The following RGS5 variants were observed in gnomAD, a reference collection of about 807,000 sequenced individuals.
The protein encoded by RGS5 is regulator of G protein signaling 5, also known as regulator of G-protein signalling 5.
RGS5 carries 20 observed loss-of-function variants against 18.9 expected under a neutral mutation model. That is an observed-to-expected ratio of 1.06 (90% CI 0.74 to 1.54). RGS5 has a LOEUF of 1.54. Ranked by LOEUF, RGS5 falls within the 40% of genes most tolerant of loss-of-function variation. The pLI is 0.00. For missense variants in RGS5, 201 were observed against 211.8 expected (o/e 0.95, Z 0.32); for synonymous variants, 57 against 76.2 (o/e 0.75, Z 1.31).
rs1480632330 is a variant in RGS5, at chr1:163,143,527, C to A, written c.*3815G>T. The stretch of plus-strand genomic sequence containing the variant: ...TTGCAAGTCAGAAAATACCTTCCTG[C>A]AAATATGGAAGATGACAAAACTCAG... On this transcript the variant is annotated 3_prime_UTR_variant, in exon 5 of 5. Coordinates refer to ENST00000313961, the MANE Select transcript of RGS5 (RefSeq NM_003617.4). 1 of 152,118 alleles carries A rather than the reference C, an allele frequency of 6.6e-6. No homozygotes were observed. Among genetic ancestry groups the A allele is most frequent in the Non-Finnish European group, 1.5e-5 (1 of 68,020 alleles). 9.4% of individuals were successfully genotyped at this position (152,118 alleles called of 1,614,324 possible).
intron 2 of RGS5, among the ~76,000 whole-genome samples, chr1:163,294,726 C>T (rs1182185778): frequency 1.3e-5 from 2 of 152,154 alleles, no homozygotes; most frequent in Non-Finnish European, 2.9e-5. Context: ...ATTTTCCAAA[C>T]CTTTATGCTC....
At chr1:163,228,634 T>C (rs564759464) in intron 2 of RGS5, among the ~76,000 whole-genome samples, 2 of 152,354 alleles carry the variant, frequency 1.3e-5, no homozygotes, top group African/African-American at 4.8e-5. Flanking sequence ...TATGTAAATT[T>C]CTGCAGCAGA....
intron 2 of RGS5, among the ~76,000 whole-genome samples, chr1:163,250,285 A>G (rs1648071237): frequency 6.6e-6 from 1 of 152,246 alleles, no homozygotes; most frequent in African/African-American, 2.4e-5. Flanking sequence ...ATTATCATAA[A>G]TGAGTGCAAA....
rs566012399 is a variant in RGS5, at chr1:163,318,050, T to C, written c.-378+3572A>G. Among the ~76,000 whole-genome samples the C allele has an allele frequency of 2.6e-5, 4 of 152,200 alleles. No individual in the cohort carries two copies. The East Asian group carries it at 7.7e-4, about 29-fold the overall frequency. On this transcript the variant is annotated intron_variant, in intron 1 of 5. Coordinates refer to the RGS5 transcript ENST00000618415. ...GAGAAAAGTCAACTAACTCAGACTA[T>C]GGAACAAGGAAAGGCTTCTTGCAAG... is the stretch of plus-strand genomic sequence containing the variant.
intron 2 of RGS5, among the ~76,000 whole-genome samples, chr1:163,285,827 T>A (rs1002395307): frequency 2.0e-5 from 3 of 151,914 alleles, no homozygotes; most frequent in Admixed American, 6.6e-5. Context: ...CGTGCCTACT[T>A]CCCCTTTGCC....
At chr1:163,190,806 G>T (rs1354011428) in intron 1 of RGS5, among the ~76,000 whole-genome samples, 1 of 152,212 alleles carries the variant, frequency 6.6e-6, no homozygotes, top group African/African-American at 2.4e-5. Context: ...AGTTTTTACT[G>T]ACTCATGGGC....
chr1:163,278,766 T>C (rs1648922714), intron 2 of RGS5, among the ~76,000 whole-genome samples: 1 of 152,036 alleles, frequency 6.6e-6, no homozygotes, highest in African/African-American at 2.4e-5. Flanking sequence ...CTGAGTGAAT[T>C]AAAACACAAA....
chr1:163,265,256 G>A (rs562874418), intron 2 of RGS5, among the ~76,000 whole-genome samples: 1 of 152,016 alleles, frequency 6.6e-6, no homozygotes, highest in Admixed American at 6.6e-5. Context: ...GGGAAAAAAG[G>A]CCAGTAGACA....
intron 2 of RGS5, among the ~76,000 whole-genome samples, chr1:163,279,096 T>C (rs531717958): frequency 1.3e-5 from 2 of 152,228 alleles, no homozygotes; most frequent in South Asian, 2.1e-4. Context: ...CAGCCCACTT[T>C]CAGCATTTGA....
chr1:163,168,139 T>A, intron 2 of RGS5, 119 bp downstream of exon 2: 1 of 679,826 alleles, frequency 1.5e-6, no homozygotes, highest in Admixed American at 2.8e-5. Flanking sequence ...CTCTGAGGGC[T>A]CTTATGATCC....
In RGS5 at chr1:163,236,735, G is replaced by C. The variant is rs191349336; in HGVS notation, c.-280-68367C>G. ...TCCCAGCACTTTGGGAGGTCGAGAG[G>C]GTGGCTCACGAGGTCAAGAGATCGA... On this transcript the variant is annotated intron_variant, in intron 2 of 5. Coordinates refer to the RGS5 transcript ENST00000618415. 5.1e-4 allele frequency among the ~76,000 whole-genome samples: 77 copies of C among 152,214 alleles called. No individual in the cohort carries two copies. The East Asian group carries it at 0.012, about 24-fold the overall frequency.
At chr1:163,303,135 T>C in intron 2 of RGS5, among the ~76,000 whole-genome samples, 1 of 152,338 alleles carries the variant, frequency 6.6e-6, no homozygotes, top group Middle Eastern at 3.4e-3. Flanking sequence ...TTTAAGTATA[T>C]TTGGATACTT....
At chr1:163,302,584 T>C (rs1196617654) in intron 2 of RGS5, among the ~76,000 whole-genome samples, 1 of 152,190 alleles carries the variant, frequency 6.6e-6, no homozygotes, top group Non-Finnish European at 1.5e-5. Flanking sequence ...CTTATTCAGA[T>C]TTCTAGCCTT....
In RGS5 at chr1:163,255,610, A is replaced by G. The variant is rs1307127174; in HGVS notation, c.-281+50623T>C. On this transcript the variant is annotated intron_variant, in intron 2 of 5. Coordinates refer to the RGS5 transcript ENST00000618415. Reference sequence around the variant, plus strand: ...GAGGGAATCCTCCCTAACTCATTTTATGAGGCCAGCATCATCCTGATACCA... The same window carrying G: ...GAGGGAATCCTCCCTAACTCATTTTGTGAGGCCAGCATCATCCTGATACCA... Among the ~76,000 whole-genome samples, 3 of 151,162 alleles carry G rather than the reference A, an allele frequency of 2.0e-5. No individual in the cohort carries two copies. In the East Asian group the frequency reaches 5.8e-4, roughly 29 times the overall value.
At chr1:163,182,448 TCCCTAC>T (rs1332226495) in intron 1 of RGS5, among the ~76,000 whole-genome samples, 2 of 152,138 alleles carry the variant, frequency 1.3e-5, no homozygotes, top group African/African-American at 4.8e-5. Flanking sequence ...TACTGGCCAC[TCCCTAC>T]TCAAGGATTC....
rs34509210 is a variant in RGS5 at position 163,246,220 on chromosome 1, T to TAAA, written c.-281+60010_-281+60012dup. 9.2e-3 allele frequency among the ~76,000 whole-genome samples: 1,176 copies of TAAA among 127,430 alleles called. 5 individuals carry two copies. Among genetic ancestry groups the TAAA allele is most frequent in the Non-Finnish European group, 0.013 (798 of 60,134 alleles). 83.6% of individuals were successfully genotyped at this position (127,430 alleles called of 152,430 possible). ...TGGGCGACAGAGCGAGACTCCATCT[T>TAAA]AAAAAAAAAAAAATTAATTAATTAA... On this transcript the variant is annotated intron_variant, in intron 2 of 5. Transcript: ENST00000618415.
chr1:163,304,324 T>C (rs1571352104), intron 2 of RGS5: 2 of 152,364 alleles, frequency 1.3e-5, no homozygotes, highest in South Asian at 4.1e-4. Flanking sequence ...GCTTCTTTGC[T>C]TGCAAGGCCT....
chr1:163,287,368 A>T (rs1649171641), intron 2 of RGS5, among the ~76,000 whole-genome samples: 1 of 151,780 alleles, frequency 6.6e-6, no homozygotes. Context: ...CTATTCCCCC[A>T]CCCCTACTAC....
chr1:163,199,282 T>C (rs1360315747), intron 1 of RGS5, among the ~76,000 whole-genome samples: 2 of 152,146 alleles, frequency 1.3e-5, no homozygotes, highest in African/African-American at 4.8e-5. Flanking sequence ...TTTAAACATA[T>C]AAAAGTATGC....
Sources: allele counts gnomAD v4.1 joint callset (sites outside exome capture counted in the v4.1 genomes callset), GRCh38; gene constraint gnomAD v4.1.1; transcripts MANE v1.5; gene names NCBI Gene and HGNC (gene_info 2026-07-23, HGNC 2026-07-21).